TENM3: variants seen among roughly 807,000 people sequenced by gnomAD.
TENM3 encodes teneurin transmembrane protein 3.
A neutral mutation model predicts 255.1 loss-of-function variants in TENM3; 63 were observed. The ratio of observed to expected loss-of-function variants is 0.25; its 90% CI spans 0.20 to 0.30. TENM3 has a LOEUF of 0.30. TENM3 is among the 10% of genes least tolerant of loss of function. The pLI is 1.00. For synonymous variants in TENM3, 1,306 were observed against 1,322.3 expected, an observed-to-expected ratio of 0.99 and a Z score of 0.27; for missense variants, 2,929 against 3,461.1, an observed-to-expected ratio of 0.85 and a Z score of 3.86.
chr4:182,337,031 A>T (rs1392849589), intron 2 of TENM3, among the ~76,000 whole-genome samples: 3 of 152,040 alleles, frequency 2.0e-5, no homozygotes, highest in Non-Finnish European at 2.9e-5. Context: ...AGAAAACTAC[A>T]ATCAAATTTC....
intron 3 of TENM3, among the ~76,000 whole-genome samples, chr4:182,419,004 TA>T (rs1206325061): frequency 3.9e-5 from 6 of 152,182 alleles, no homozygotes; most frequent in Non-Finnish European, 7.3e-5. Context: ...CAGAAGATGA[TA>T]AAAATGGTTT....
the TENM3 span, among the ~76,000 whole-genome samples, chr4:182,129,549 A>C: frequency 6.6e-6 from 1 of 152,184 alleles, no homozygotes. Flanking sequence ...TCACCCATCA[A>C]GAAAAAAACA....
the TENM3 span, among the ~76,000 whole-genome samples, chr4:181,470,118 A>AAAAC: frequency 1.5e-5 from 2 of 129,148 alleles, no homozygotes; most frequent in Non-Finnish European, 3.5e-5. Context: ...TAAAAAAAAA[A>AAAAC]AAAAAAACAT....
chr4:182,691,755 A>T (rs934769535), intron 12 of TENM3, among the ~76,000 whole-genome samples: 5 of 152,202 alleles, frequency 3.3e-5, no homozygotes, highest in Admixed American at 1.3e-4. Context: ...ATTAAAATAG[A>T]TACTTCTCCT....
intron 3 of TENM3, among the ~76,000 whole-genome samples, chr4:182,417,611 G>A (rs528028811): frequency 9.9e-5 from 15 of 152,016 alleles, no homozygotes; most frequent in African/African-American, 3.4e-4. Context: ...TCTAATAAAC[G>A]GCTAAAAGTC....
At chr4:182,779,786 G>C (rs1215571828) in intron 24 of TENM3, among the ~76,000 whole-genome samples, 1 of 152,186 alleles carries the variant, frequency 6.6e-6, no homozygotes, top group Non-Finnish European at 1.5e-5. Flanking sequence ...TTGTGGTTTT[G>C]ATGTGCATTT....
intron 1 of TENM3, among the ~76,000 whole-genome samples, chr4:182,190,988 C>A (rs1753482714): frequency 6.6e-6 from 1 of 152,132 alleles, no homozygotes; most frequent in Non-Finnish European, 1.5e-5. Flanking sequence ...ATCCTAAAAT[C>A]CAGATATCCT....
chr4:182,195,036 C>CACACAA (rs977209178), intron 1 of TENM3, among the ~76,000 whole-genome samples: 12 of 67,428 alleles, frequency 1.8e-4, no homozygotes, highest in African/African-American at 4.5e-4. Context: ...CACACACACA[C>CACACAA]ACACACACAC....
chr4:181,613,507 C>T, the TENM3 span, among the ~76,000 whole-genome samples: 6 of 152,142 alleles, frequency 3.9e-5, no homozygotes, highest in Admixed American at 2.0e-4. Flanking sequence ...GCTCTCCTAA[C>T]GCAGAGGCAG....
intron 3 of TENM3, among the ~76,000 whole-genome samples, chr4:182,571,019 C>T (rs1019591779): frequency 2.0e-5 from 3 of 151,980 alleles, no homozygotes; most frequent in Admixed American, 6.6e-5. Flanking sequence ...GATTCATATT[C>T]GGGGGATGAT....
At chr4:181,810,852 C>G in the TENM3 span, among the ~76,000 whole-genome samples, 1 of 152,052 alleles carries the variant, frequency 6.6e-6, no homozygotes, top group South Asian at 2.1e-4. Context: ...GCAAGCGTTC[C>G]AGTGTGGTTG....
At chr4:181,692,486 A>G in the TENM3 span, among the ~76,000 whole-genome samples, 1 of 152,220 alleles carries the variant, frequency 6.6e-6, no homozygotes, top group African/African-American at 2.4e-5. Flanking sequence ...ACTTAACTTT[A>G]AAACATAAGG....
chr4:182,091,155 G>T, the TENM3 span, among the ~76,000 whole-genome samples: 1 of 152,174 alleles, frequency 6.6e-6, no homozygotes, highest in African/African-American at 2.4e-5. Context: ...TCAATAAAAA[G>T]AAAGGCAAGA....
the TENM3 span, among the ~76,000 whole-genome samples, chr4:181,783,802 T>C: frequency 5.9e-5 from 9 of 152,144 alleles, no homozygotes; most frequent in African/African-American, 2.2e-4. Flanking sequence ...GCTCAAGTGA[T>C]GCCCCTCAAG....
intron 4 of TENM3, among the ~76,000 whole-genome samples, chr4:182,628,114 A>G (rs752898941): frequency 1.3e-5 from 2 of 152,206 alleles, no homozygotes; most frequent in African/African-American, 4.8e-5. Flanking sequence ...TTTTTATAGT[A>G]CTTATTAGCA....
At chr4:181,784,203 C>T in the TENM3 span, among the ~76,000 whole-genome samples, 2 of 151,430 alleles carry the variant, frequency 1.3e-5, no homozygotes, top group Non-Finnish European at 2.9e-5. Flanking sequence ...CTGACACATG[C>T]CCTTTGTTAT....
chr4:182,353,108 A>C (rs1765290489), intron 3 of TENM3, among the ~76,000 whole-genome samples: 1 of 151,246 alleles, frequency 6.6e-6, no homozygotes, highest in African/African-American at 2.5e-5. Context: ...AGGAAGGGGT[A>C]CTGTCTTAGA....
chr4:182,774,573 C>T (rs538588997), intron 23 of TENM3, among the ~76,000 whole-genome samples: 33 of 152,162 alleles, frequency 2.2e-4, no homozygotes, highest in Non-Finnish European at 3.5e-4. Context: ...GGTGTGTACA[C>T]CGCGCTCCTG....
chr4:181,890,462 T>A, the TENM3 span, among the ~76,000 whole-genome samples: 6 of 152,114 alleles, frequency 3.9e-5, no homozygotes, highest in Non-Finnish European at 4.4e-5. Context: ...AGCTGCTCAG[T>A]TGAAAGAAGA....
Sources: allele counts gnomAD v4.1 joint callset (sites outside exome capture counted in the v4.1 genomes callset), GRCh38; gene constraint gnomAD v4.1.1; transcripts MANE v1.5; gene names NCBI Gene and HGNC (gene_info 2026-07-23, HGNC 2026-07-21).